LRMDA: variants seen among roughly 807,000 people sequenced by gnomAD.
LRMDA encodes the protein leucine rich melanocyte differentiation associated.
LRMDA carries 18 observed loss-of-function variants against 29.8 expected under a neutral mutation model. The observed-to-expected ratio is 0.60, with a 90% CI of 0.42 to 0.90. The LOEUF (loss-of-function observed/expected upper bound fraction) is 0.90, where lower values mean the gene tolerates loss of function less well. Ranked by LOEUF, LRMDA falls within the 40% of genes least tolerant of loss-of-function variation. LRMDA has a pLI of 0.00. For synonymous variants in LRMDA, 125 were observed against 109.4 expected (o/e 1.14, Z -0.89); for missense variants, 273 against 273.9 (o/e 1.00, Z 0.02).
intron 6 of LRMDA, among the ~76,000 whole-genome samples, chr10:76,446,525 T>C (rs533656791): frequency 9.8e-5 from 15 of 152,338 alleles, no homozygotes; most frequent in Admixed American, 7.2e-4. Flanking sequence ...TGCTTTTTCT[T>C]CTAAATTTAA....
intron 5 of LRMDA, among the ~76,000 whole-genome samples, chr10:76,081,367 GGC>G (rs1849046611): frequency 6.6e-6 from 1 of 152,146 alleles, no homozygotes. Flanking sequence ...CTGCTCAGGA[GGC>G]TGAGCCTGGG....
At chr10:76,004,445 A>C (rs1215344999) in intron 2 of LRMDA, among the ~76,000 whole-genome samples, 8 of 152,204 alleles carry the variant, frequency 5.3e-5, no homozygotes, top group Non-Finnish European at 4.4e-5. Flanking sequence ...GAGACATGAC[A>C]TAGAGATTGA....
chr10:76,149,500 A>G (rs949752064), intron 5 of LRMDA, among the ~76,000 whole-genome samples: 4 of 152,228 alleles, frequency 2.6e-5, no homozygotes, highest in African/African-American at 4.8e-5. Flanking sequence ...TTAGTAAATC[A>G]TAATCATCAC....
chr10:75,436,193 G>C (rs1019860569), intron 1 of LRMDA, among the ~76,000 whole-genome samples: 7 of 152,056 alleles, frequency 4.6e-5, no homozygotes, highest in African/African-American at 1.5e-4. Flanking sequence ...AAGCTGTATT[G>C]TGCTGGGCAG....
chr10:76,415,124 T>C (rs1318354113), intron 6 of LRMDA, among the ~76,000 whole-genome samples: 1 of 152,238 alleles, frequency 6.6e-6, no homozygotes, highest in Non-Finnish European at 1.5e-5. Context: ...GTAACTTGGC[T>C]TCTTTGCTGG....
chr10:75,739,799 G>A (rs932658360), intron 2 of LRMDA, among the ~76,000 whole-genome samples: 5 of 152,214 alleles, frequency 3.3e-5, no homozygotes, highest in African/African-American at 1.2e-4. Flanking sequence ...GTTAGTGTCT[G>A]TCGGTAATTT....
chr10:76,162,098 C>T (rs2132179841), intron 5 of LRMDA, among the ~76,000 whole-genome samples: 1 of 152,276 alleles, frequency 6.6e-6, no homozygotes, highest in South Asian at 2.1e-4. Context: ...AAATGTTAGT[C>T]AATCCTGCAA....
intron 6 of LRMDA, among the ~76,000 whole-genome samples, chr10:76,517,901 T>C (rs1843077713): frequency 6.8e-6 from 1 of 146,416 alleles, no homozygotes; most frequent in South Asian, 2.1e-4. Context: ...AGTGTTTAAA[T>C]CCCAACCTAG....
chr10:76,037,253 C>T (rs541122695), intron 3 of LRMDA, among the ~76,000 whole-genome samples: 114 of 152,322 alleles, frequency 7.5e-4, no homozygotes, highest in African/African-American at 2.5e-3. Flanking sequence ...GCTTCAGACT[C>T]AGTGGTCCAA....
intron 2 of LRMDA, among the ~76,000 whole-genome samples, chr10:75,547,386 G>T (rs74147110): frequency 6.6e-6 from 1 of 152,284 alleles, no homozygotes; most frequent in African/African-American, 2.4e-5. Flanking sequence ...GACTCTGGTG[G>T]CCCTTGTGAA....
At chr10:75,624,552 A>T (rs1455294914) in intron 2 of LRMDA, among the ~76,000 whole-genome samples, 1 of 152,196 alleles carries the variant, frequency 6.6e-6, no homozygotes, top group African/African-American at 2.4e-5. Flanking sequence ...AGTCTCTCTT[A>T]TGCTTTTAAG....
At chr10:75,911,867 C>A (rs1845848408) in intron 2 of LRMDA, among the ~76,000 whole-genome samples, 3 of 152,194 alleles carry the variant, frequency 2.0e-5, no homozygotes, top group Non-Finnish European at 4.4e-5. Context: ...ATGCTGTCTT[C>A]AGCAGAAGTT....
intron 5 of LRMDA, among the ~76,000 whole-genome samples, chr10:76,120,408 G>A (rs573357179): frequency 6.5e-4 from 99 of 151,994 alleles, no homozygotes; most frequent in African/African-American, 2.2e-3. Flanking sequence ...GGCTGGTCTC[G>A]AACTCCTGAC....
intron 2 of LRMDA, among the ~76,000 whole-genome samples, chr10:75,625,171 G>C (rs1460184401): frequency 6.6e-6 from 1 of 152,206 alleles, no homozygotes; most frequent in Non-Finnish European, 1.5e-5. Flanking sequence ...GGACCTTCCT[G>C]ATGGTAGTGA....
chr10:76,078,783 C>T (rs1849003981), intron 5 of LRMDA, among the ~76,000 whole-genome samples: 1 of 152,172 alleles, frequency 6.6e-6, no homozygotes, highest in Non-Finnish European at 1.5e-5. Context: ...TTGCAGTGAG[C>T]TGAGATCGCG....
intron 2 of LRMDA, among the ~76,000 whole-genome samples, chr10:75,758,869 T>C (rs534140471): frequency 3.3e-5 from 5 of 152,358 alleles, no homozygotes; most frequent in African/African-American, 1.2e-4. Flanking sequence ...GGGTAGAGGA[T>C]GCTGCATATG....
At position 75,992,106 on chromosome 10, in the gene LRMDA, G is replaced by A. The variant is rs116790318; in HGVS notation, c.132-43902G>A. 3.6e-3 allele frequency among the ~76,000 whole-genome samples: 552 copies of A among 152,274 alleles called. 5 individuals carry two copies. Among genetic ancestry groups the A allele is most frequent in the African/African-American group, 0.013 (531 of 41,546 alleles). ...TCATTTAATTACAACAATCTTATCA[G>A]TGGGTGACAATCTCTTCATTATGCA... On this transcript the variant is annotated intron_variant, in intron 2 of 6. Transcript: ENST00000611255.
intron 2 of LRMDA, among the ~76,000 whole-genome samples, chr10:75,699,254 C>G (rs1444697423): frequency 6.6e-6 from 1 of 150,796 alleles, no homozygotes. Flanking sequence ...TAATGCCTAA[C>G]AGTACTAGAA....
intron 5 of LRMDA, among the ~76,000 whole-genome samples, chr10:76,141,473 T>C (rs1294874244): frequency 6.6e-6 from 1 of 152,178 alleles, no homozygotes; most frequent in East Asian, 1.9e-4. Flanking sequence ...ATTAACATAC[T>C]GATTGTTATA....
Sources: allele counts gnomAD v4.1 joint callset (sites outside exome capture counted in the v4.1 genomes callset), GRCh38; gene constraint gnomAD v4.1.1; transcripts MANE v1.5; gene names NCBI Gene and HGNC (gene_info 2026-07-23, HGNC 2026-07-21).